Variants in RPL14 observed in about 807,000 individuals in gnomAD.
The protein encoded by RPL14 is large ribosomal subunit protein eL14.
A neutral mutation model predicts 25.3 loss-of-function variants in RPL14; 4 were observed. The ratio of observed to expected loss-of-function variants is 0.16; its 90% CI spans 0.08 to 0.36. The LOEUF (loss-of-function observed/expected upper bound fraction) is 0.36, where lower values mean the gene tolerates loss of function less well. Ranked by LOEUF, RPL14 falls within the 10% of genes least tolerant of loss-of-function variation. The probability of loss-of-function intolerance (pLI) is 1.00; values close to 1 mark genes in which losing one functional copy is unlikely to be tolerated. For synonymous variants in RPL14, 75 were observed against 89.8 expected (o/e 0.84, Z 0.93); for missense variants, 212 against 261.9 (o/e 0.81, Z 1.31).
At chr3:40,459,730 A>G (rs4973905) in intron 3 of RPL14, among the ~76,000 whole-genome samples, 144,565 of 152,022 alleles carry the variant, frequency 0.95, 69,051 homozygotes, top group East Asian at 1. Context: ...ATGGTGGCGG[A>G]CACCTGTAGT....
chr3:40,457,725 G>T (rs1443930557), intron 1 of RPL14, 165 bp from the exon 2 acceptor site: 2 of 703,386 alleles, frequency 2.8e-6, no homozygotes, highest in Non-Finnish European at 4.8e-6. Flanking sequence ...CTACTGAGGC[G>T]TTTGCTGATT....
rs2276870 is a variant in RPL14 at position 40,457,691 on chromosome 3, C to T, written c.4-199C>T. 0.67 allele frequency: 437,571 copies of T among 652,856 alleles called. 147,977 individuals are homozygous for T. Among genetic ancestry groups the T allele is most frequent in the African/African-American group, 0.73 (40,245 of 54,938 alleles). The allele number at this position is 652,856 out of a possible 1,614,324, so 40.4% of individuals were successfully genotyped here. On this transcript the variant is annotated intron_variant, in intron 1 of 5. Coordinates refer to ENST00000396203, the MANE Select transcript of RPL14 (RefSeq NM_001034996.3). ...TGGGCCTTGCGGACCTGGGAGCTGG[C>T]GGGCGTTGGGAACCGGGCTTAAGCT...
rs796162459 is a variant in RPL14, at chr3:40,465,051, G to A, written c.*2819G>A. On this transcript the variant is annotated 3_prime_UTR_variant, in exon 6 of 6. Coordinates refer to ENST00000396203, the MANE Select transcript of RPL14 (RefSeq NM_001034996.3). ...ATCATGATATGTAGTCCAGTGACTG[G>A]TTCCCTTGGTAAGAGCTGTGATAAT... 2 of 153,564 alleles carry A rather than the reference G, an allele frequency of 1.3e-5. No homozygotes were observed. Among genetic ancestry groups the A allele is most frequent in the African/African-American group, 4.8e-5 (2 of 41,578 alleles). The allele number at this position is 153,564 out of a possible 1,614,324, so 9.5% of individuals were successfully genotyped here.
rs771144809 is a variant in RPL14, at chr3:40,457,441, C to T, written c.-31C>T. On this transcript the variant is annotated 5_prime_UTR_variant, in exon 1 of 6. Coordinates refer to ENST00000396203, the MANE Select transcript of RPL14 (RefSeq NM_001034996.3). ...CACCTCCGCTGGGAAGCTGAGGCGCCAAACGGCTCCCAGAGGGTCCCGGGA... is the reference window on the plus strand; with the variant it reads ...CACCTCCGCTGGGAAGCTGAGGCGCTAAACGGCTCCCAGAGGGTCCCGGGA... 1 of 1,581,180 alleles carries T rather than the reference C, an allele frequency of 6.3e-7. No individual in the cohort carries two copies. The highest frequency in any genetic ancestry group is 1.1e-5 in the South Asian group (1 of 87,634).
chr3:40,460,508 A>G (rs1202680727), intron 3 of RPL14, among the ~76,000 whole-genome samples: 2 of 151,254 alleles, frequency 1.3e-5, no homozygotes, highest in Admixed American at 6.6e-5. Flanking sequence ...TTACAGAGCA[A>G]GACCCTGTCT....
At chr3:40,459,858 CAAAAAAAA>C (rs10682822) in intron 3 of RPL14, among the ~76,000 whole-genome samples, 27 of 90,958 alleles carry the variant, frequency 3.0e-4, no homozygotes, top group South Asian at 8.9e-4. Context: ...GACTCCGTTT[CAAAAAAAA>C]AAAAAAAAAA....
chr3:40,464,612 TG>T lies in RPL14; in HGVS notation c.*2382del, dbSNP rs2125627015. 1 of 437,110 alleles carries T rather than the reference TG, an allele frequency of 2.3e-6. No homozygotes were observed. Among genetic ancestry groups the T allele is most frequent in the Non-Finnish European group, 4.6e-6 (1 of 216,874 alleles). 27.1% of individuals were successfully genotyped at this position (437,110 alleles called of 1,614,324 possible). On this transcript the variant is annotated 3_prime_UTR_variant, in exon 6 of 6. Transcript: ENST00000396203. ...GGAAGCTACTGAGGGTTTTTTAAAA[TG>T]GCGTGATATCTCAGATTTAGATCAT... is the stretch of plus-strand genomic sequence containing the variant.
In RPL14 at chr3:40,462,356, C is replaced by T. The variant is rs1469695025; in HGVS notation, c.*124C>T. On this transcript the variant is annotated 3_prime_UTR_variant, in exon 6 of 6. Transcript: ENST00000396203. The stretch of plus-strand genomic sequence containing the variant: ...AGATTGATAGTAGGATTATAATAAA[C>T]ATTAAATAATCAGTTCCTTTTTTTT... The T allele has an allele frequency of 2.8e-6, 2 of 718,782 alleles. No homozygotes were observed. The highest frequency in any genetic ancestry group is 6.5e-5 in the East Asian group (2 of 30,686). 44.5% of individuals were successfully genotyped at this position (718,782 alleles called of 1,614,324 possible).
In RPL14 at chr3:40,462,468, C is replaced by T. The variant is rs1696958337; in HGVS notation, c.*236C>T. 1 of 395,528 alleles carries T rather than the reference C, an allele frequency of 2.5e-6. No homozygotes were observed. Among genetic ancestry groups the T allele is most frequent in the Non-Finnish European group, 4.4e-6 (1 of 228,494 alleles). 24.5% of individuals were successfully genotyped at this position (395,528 alleles called of 1,614,324 possible). ...CTCGGCTCACTGTAAGTTCCACCTC[C>T]CGGGTTCATGCCATTCTCCTGCCTC... On this transcript the variant is annotated 3_prime_UTR_variant, in exon 6 of 6. Coordinates refer to ENST00000396203, the MANE Select transcript of RPL14 (RefSeq NM_001034996.3).
Position 40,462,258 on chromosome 3 carries a change from G to T in RPL14, c.*26G>T. The T allele has an allele frequency of 1.3e-6, 2 of 1,560,624 alleles. No individual in the cohort carries two copies. Among genetic ancestry groups the T allele is most frequent in the Non-Finnish European group, 1.7e-6 (2 of 1,158,456 alleles). ...GTGGCAATCATAAAAAGTAATAAAG[G>T]TTCTTTTTGACCTGTTGACAAATGT... is the stretch of plus-strand genomic sequence containing the variant. On this transcript the variant is annotated 3_prime_UTR_variant, in exon 6 of 6. Transcript: ENST00000396203.
At chr3:40,459,593 C>T (rs184323389) in intron 3 of RPL14, among the ~76,000 whole-genome samples, 40 of 152,178 alleles carry the variant, frequency 2.6e-4, no homozygotes, top group Non-Finnish European at 5.1e-4. Flanking sequence ...CGGTGGCTCA[C>T]GCCTATAATC....
Position 40,462,802 on chromosome 3 carries a change from C to A in RPL14, c.*570C>A, listed in dbSNP as rs1696967128. ...TTAGAACACCAAGTGACACAAGTGA[C>A]ATTTTTTTCTTATGGTCACCTTGGC... On this transcript the variant is annotated 3_prime_UTR_variant, in exon 6 of 6. Coordinates refer to ENST00000396203, the MANE Select transcript of RPL14 (RefSeq NM_001034996.3). 6.6e-6 allele frequency: 1 copy of A among 152,236 alleles called. No individual in the cohort carries two copies. The allele number at this position is 152,236 out of a possible 1,614,324, so 9.4% of individuals were successfully genotyped here.
rs1160321215 is a variant in RPL14, at chr3:40,464,577, G to C, written c.*2345G>C. 6.6e-6 allele frequency: 3 copies of C among 452,286 alleles called. No individual in the cohort carries two copies. The highest frequency in any genetic ancestry group is 4.8e-5 in the Admixed American group (2 of 41,742). The allele number at this position is 452,286 out of a possible 1,614,324, so 28.0% of individuals were successfully genotyped here. On this transcript the variant is annotated 3_prime_UTR_variant, in exon 6 of 6. Coordinates refer to ENST00000396203, the MANE Select transcript of RPL14 (RefSeq NM_001034996.3). ...AGTAGGTTAGTGGTTAGATCGTGTA[G>C]GGGAACACGGGAAGCTACTGAGGGT...
In RPL14 at chr3:40,468,101, A is replaced by C. The variant is rs964314094; in HGVS notation, c.*5869A>C. On this transcript the variant is annotated 3_prime_UTR_variant, in exon 6 of 6. Transcript: ENST00000396203. Reference sequence around the variant, plus strand: ...CTCGTGATCCACTCCCCAGTCTCCCAAAGTACTGGGATTACAGGCGTGAGC... The same window carrying C: ...CTCGTGATCCACTCCCCAGTCTCCCCAAGTACTGGGATTACAGGCGTGAGC... 1 of 152,286 alleles carries C rather than the reference A, an allele frequency of 6.6e-6. No individual in the cohort carries two copies. The highest frequency in any genetic ancestry group is 2.4e-5 in the African/African-American group (1 of 41,464). The allele number at this position is 152,286 out of a possible 1,614,324, so 9.4% of individuals were successfully genotyped here.
intron 2 of RPL14, 192 bp from the exon 3 acceptor site, chr3:40,458,450 A>C (rs1037748769): frequency 1.0e-5 from 6 of 588,432 alleles, no homozygotes; most frequent in African/African-American, 5.6e-5. Context: ...TGATGTGGAG[A>C]AATGTTTGTG....
rs1163415268 is a variant in RPL14, at chr3:40,464,747, G to A, written c.*2515G>A. 4 of 296,632 alleles carry A rather than the reference G, an allele frequency of 1.3e-5. No individual in the cohort carries two copies. Among genetic ancestry groups the A allele is most frequent in the Non-Finnish European group, 2.7e-5 (4 of 146,340 alleles). 18.4% of individuals were successfully genotyped at this position (296,632 alleles called of 1,614,324 possible). The stretch of plus-strand genomic sequence containing the variant: ...GTGACAGTGGTAATGCCATTTAGGT[G>A]GTCTTGATCATGCATTGGACTGCAG... On this transcript the variant is annotated 3_prime_UTR_variant, in exon 6 of 6. Transcript: ENST00000396203.
rs1037957744 is a variant in RPL14 at position 40,462,937 on chromosome 3, T to C, written c.*705T>C. ...ATTTATTTTATTTATTTATTTTTTT[T>C]TTTTGGAGACAGAGTCTTGCTGTGT... On this transcript the variant is annotated 3_prime_UTR_variant, in exon 6 of 6. Transcript: ENST00000396203. 1 of 152,166 alleles carries C rather than the reference T, an allele frequency of 6.6e-6. No individual in the cohort carries two copies. Among genetic ancestry groups the C allele is most frequent in the South Asian group, 2.1e-4 (1 of 4,838 alleles). 9.4% of individuals were successfully genotyped at this position (152,166 alleles called of 1,614,324 possible). A position where few individuals can be genotyped will look rare whatever the true frequency, so the allele number is the denominator to read the frequency against.
Position 40,462,385 on chromosome 3 carries a change from T to TTTC in RPL14, c.*155_*156insCTT. 1 of 862,878 alleles carries TTTC rather than the reference T, an allele frequency of 1.2e-6. No homozygotes were observed. The highest frequency in any genetic ancestry group is 1.7e-6 in the Non-Finnish European group (1 of 591,336). The allele number at this position is 862,878 out of a possible 1,614,324, so 53.5% of individuals were successfully genotyped here. On this transcript the variant is annotated 3_prime_UTR_variant, in exon 6 of 6. Coordinates refer to ENST00000396203, the MANE Select transcript of RPL14 (RefSeq NM_001034996.3). Reference sequence around the variant, plus strand: ...AAATAATCAGTTCCTTTTTTTTTTTTTTTTTTTTTGAGATGGAGTCTCGTT... The same window carrying TTTC: ...AAATAATCAGTTCCTTTTTTTTTTTTTTCTTTTTTTTTGAGATGGAGTCTCGTT...
rs140467667 is a variant in RPL14, at chr3:40,461,131, G to A, written c.201-276G>A. Among the ~76,000 whole-genome samples, 51 of 152,176 alleles carry A rather than the reference G, an allele frequency of 3.4e-4. 1 individual carries two copies. The highest frequency in any genetic ancestry group is 1.2e-3 in the African/African-American group (48 of 41,538). On this transcript the variant is annotated intron_variant, in intron 3 of 5. Transcript: ENST00000396203. Reference sequence around the variant, plus strand: ...GGATGGCTTGAGCCTAGAAGGTTGAGGCTACAGTGAGCCATGATCATACTA... The same window carrying A: ...GGATGGCTTGAGCCTAGAAGGTTGAAGCTACAGTGAGCCATGATCATACTA...
Sources: allele counts gnomAD v4.1 joint callset (sites outside exome capture counted in the v4.1 genomes callset), GRCh38; gene constraint gnomAD v4.1.1; transcripts MANE v1.5; gene names NCBI Gene and HGNC (gene_info 2026-07-23, HGNC 2026-07-21).